The following SLC9A9 variants were observed in gnomAD, a reference collection of about 807,000 sequenced individuals.
The protein encoded by SLC9A9 is sodium/hydrogen exchanger 9.
In SLC9A9, 62 loss-of-function variants were observed where a neutral mutation model predicts 77.8. The ratio of observed to expected loss-of-function variants is 0.80; its 90% CI spans 0.65 to 0.98. The LOEUF (loss-of-function observed/expected upper bound fraction) is 0.98, where lower values mean the gene tolerates loss of function less well. Ranked by LOEUF, SLC9A9 falls within the 50% of genes least tolerant of loss-of-function variation. The pLI is 0.00. For synonymous variants in SLC9A9, 320 were observed against 283.5 expected (o/e 1.13, Z -1.29); for missense variants, 775 against 774.9 (o/e 1.00, Z 0.00).
chr3:143,268,597 G>T (rs917300147), intron 15 of SLC9A9, among the ~76,000 whole-genome samples: 3 of 151,944 alleles, frequency 2.0e-5, no homozygotes, highest in African/African-American at 7.3e-5. Context: ...GCTGGGTGTG[G>T]TGGCAGGCGC....
chr3:143,714,964 T>C (rs1934296123), intron 4 of SLC9A9, among the ~76,000 whole-genome samples: 2 of 152,192 alleles, frequency 1.3e-5, no homozygotes, highest in South Asian at 4.1e-4. Flanking sequence ...TGAATAAGTC[T>C]CGTGAGATTT....
chr3:143,590,209 G>T (rs1559982763), intron 6 of SLC9A9, among the ~76,000 whole-genome samples: 1 of 152,190 alleles, frequency 6.6e-6, no homozygotes, highest in Non-Finnish European at 1.5e-5. Context: ...ATCTGTCTCA[G>T]CATCTTCATC....
intron 6 of SLC9A9, among the ~76,000 whole-genome samples, chr3:143,600,470 G>A (rs1390102960): frequency 1.3e-5 from 2 of 152,310 alleles, no homozygotes; most frequent in East Asian, 3.9e-4. Context: ...CTATAAGTGT[G>A]TGAAAAATAC....
At chr3:143,286,725 C>T (rs1938391814) in intron 14 of SLC9A9, among the ~76,000 whole-genome samples, 1 of 152,186 alleles carries the variant, frequency 6.6e-6, no homozygotes, top group African/African-American at 2.4e-5. Context: ...AAAGCAATCA[C>T]ACCAGATTTC....
chr3:143,289,990 G>A (rs1191802572), intron 14 of SLC9A9, among the ~76,000 whole-genome samples: 1 of 152,150 alleles, frequency 6.6e-6, no homozygotes, highest in Non-Finnish European at 1.5e-5. Context: ...ATTTGTACTT[G>A]CTACTTCTTC....
chr3:143,775,146 T>C (rs936678619), intron 4 of SLC9A9, among the ~76,000 whole-genome samples: 1 of 152,202 alleles, frequency 6.6e-6, no homozygotes, highest in African/African-American at 2.4e-5. Flanking sequence ...AATATGCAAG[T>C]ATCAGTAGAC....
chr3:143,462,506 T>C (rs1351097208), intron 12 of SLC9A9, among the ~76,000 whole-genome samples: 1 of 152,332 alleles, frequency 6.6e-6, no homozygotes, highest in South Asian at 2.1e-4. Flanking sequence ...TTTGGGATCC[T>C]GAATAGGGTT....
At chr3:143,269,639 A>G (rs942546215) in intron 14 of SLC9A9, among the ~76,000 whole-genome samples, 2 of 152,204 alleles carry the variant, frequency 1.3e-5, no homozygotes, top group African/African-American at 4.8e-5. Flanking sequence ...CCAATCTATC[A>G]ATAATGAAAT....
intron 13 of SLC9A9, among the ~76,000 whole-genome samples, chr3:143,373,501 T>C (rs1576455383): frequency 6.6e-6 from 1 of 150,426 alleles, no homozygotes; most frequent in Non-Finnish European, 1.5e-5. Flanking sequence ...TTGGGTACCA[T>C]GTATACCACT....
chr3:143,696,109 G>A (rs1336167503), intron 4 of SLC9A9, among the ~76,000 whole-genome samples: 2 of 152,156 alleles, frequency 1.3e-5, no homozygotes, highest in Non-Finnish European at 2.9e-5. Flanking sequence ...CTGTTCACCT[G>A]ATGATGGTTT....
intron 5 of SLC9A9, among the ~76,000 whole-genome samples, chr3:143,676,218 C>G (rs1030664392): frequency 5.9e-5 from 9 of 152,286 alleles, no homozygotes; most frequent in African/African-American, 2.2e-4. Flanking sequence ...TGCTGTGCAG[C>G]TTGGTTCCTA....
intron 11 of SLC9A9, among the ~76,000 whole-genome samples, chr3:143,479,749 AG>A (rs1341568204): frequency 6.6e-6 from 1 of 152,156 alleles, no homozygotes; most frequent in Non-Finnish European, 1.5e-5. Flanking sequence ...TGTCTTCTAC[AG>A]GGATGTCACT....
intron 4 of SLC9A9, among the ~76,000 whole-genome samples, chr3:143,784,016 A>G (rs2007966930): frequency 6.6e-6 from 1 of 152,232 alleles, no homozygotes; most frequent in Non-Finnish European, 1.5e-5. Flanking sequence ...CAGACTTCAC[A>G]CAATTGCCAC....
chr3:143,324,812 C>A (rs2031529889), intron 14 of SLC9A9, among the ~76,000 whole-genome samples: 1 of 152,086 alleles, frequency 6.6e-6, no homozygotes, highest in South Asian at 2.1e-4. Context: ...ATAGAGGAAA[C>A]CCTGTTTTTT....
At chr3:143,529,213 T>C (rs1209420402) in intron 9 of SLC9A9, among the ~76,000 whole-genome samples, 1 of 152,128 alleles carries the variant, frequency 6.6e-6, no homozygotes, top group Non-Finnish European at 1.5e-5. Context: ...GAAGTCAACA[T>C]CTTATGATCA....
intron 14 of SLC9A9, among the ~76,000 whole-genome samples, chr3:143,349,696 T>C (rs574999303): frequency 7.2e-5 from 11 of 152,336 alleles, no homozygotes; most frequent in South Asian, 4.1e-4. Flanking sequence ...TTCCAGGCGA[T>C]TGAGTCTGAA....
chr3:143,746,815 A>G (rs574977908), intron 4 of SLC9A9, among the ~76,000 whole-genome samples: 13 of 152,328 alleles, frequency 8.5e-5, no homozygotes, highest in East Asian at 5.8e-4. Context: ...GTCATTTGCT[A>G]TCAGCTTTCC....
intron 6 of SLC9A9, among the ~76,000 whole-genome samples, chr3:143,649,563 G>C (rs1459542723): frequency 6.6e-6 from 1 of 152,058 alleles, no homozygotes; most frequent in Non-Finnish European, 1.5e-5. Flanking sequence ...TTAATAATAG[G>C]CTTCTTATAT....
chr3:143,747,474 T>C (rs1935221853), intron 4 of SLC9A9, among the ~76,000 whole-genome samples: 1 of 150,642 alleles, frequency 6.6e-6, no homozygotes, highest in Non-Finnish European at 1.5e-5. Context: ...GATAAGGAGA[T>C]GACCCTGAAT....
Sources: gnomAD v4.1 joint callset for allele counts (sites outside exome capture counted in the v4.1 genomes callset) on GRCh38, gnomAD v4.1.1 for gene constraint, MANE v1.5 for transcripts, NCBI Gene and HGNC (gene_info 2026-07-23, HGNC 2026-07-21) for gene names.